AVEN: variants seen among roughly 807,000 people sequenced by gnomAD.
The protein encoded by AVEN is apoptosis and caspase activation inhibitor, also known as cell death regulator Aven.
Under a neutral mutation model 38.1 loss-of-function variants are expected in AVEN, and 41 were observed. That is an observed-to-expected ratio of 1.08 (90% CI 0.84 to 1.40). AVEN has a LOEUF of 1.40. Ranked by LOEUF, AVEN falls within the 40% of genes most tolerant of loss-of-function variation. The pLI, the probability that AVEN is intolerant of heterozygous loss-of-function variation, is 0.00. For missense variants in AVEN, 605 were observed against 438.8 expected (o/e 1.38, Z -3.38); for synonymous variants, 206 against 171.8 (o/e 1.20, Z -1.56).
chr15:33,961,165 C>A (rs1205716231), intron 2 of AVEN, among the ~76,000 whole-genome samples: 1 of 151,588 alleles, frequency 6.6e-6, no homozygotes, highest in African/African-American at 2.4e-5. Context: ...CATGCCTGGA[C>A]AATTTTTTGA....
intron 2 of AVEN, among the ~76,000 whole-genome samples, chr15:33,988,496 T>C (rs1474522105): frequency 6.6e-6 from 1 of 152,172 alleles, no homozygotes; most frequent in Non-Finnish European, 1.5e-5. Context: ...TGTGCCCGTG[T>C]AACACATCTC....
intron 1 of AVEN, among the ~76,000 whole-genome samples, chr15:34,030,374 C>T (rs2140757355): frequency 6.6e-6 from 1 of 152,244 alleles, no homozygotes; most frequent in South Asian, 2.1e-4. Context: ...GAGACGGAGT[C>T]TTGCTCTGTC....
downstream of AVEN, chr15:33,865,071 A>G: frequency 5.9e-6 from 8 of 1,362,608 alleles, no homozygotes; most frequent in Non-Finnish European, 8.3e-6. Flanking sequence ...ACAAAAACAA[A>G]CTGGGTTTTA....
intron 2 of AVEN, among the ~76,000 whole-genome samples, chr15:33,917,264 C>T (rs1893171886): frequency 6.6e-6 from 1 of 151,910 alleles, no homozygotes; most frequent in South Asian, 2.1e-4. Context: ...GATACTTGCA[C>T]ATACGTTTGT....
At chr15:34,038,647 C>T (rs1451547998) in intron 1 of AVEN, 133 bp downstream of exon 1, 4 of 823,782 alleles carry the variant, frequency 4.9e-6, no homozygotes, top group Non-Finnish European at 6.1e-6. Flanking sequence ...ATCCGCCCGT[C>T]CCGCGCAGGC....
chr15:33,909,972 CA>C (rs535805123), intron 2 of AVEN, among the ~76,000 whole-genome samples: 5 of 149,714 alleles, frequency 3.3e-5, no homozygotes, highest in African/African-American at 1.0e-4. Flanking sequence ...AATACAAATA[CA>C]AAAAATTAGC....
At chr15:34,015,844 A>C (rs532065146) in intron 1 of AVEN, among the ~76,000 whole-genome samples, 13 of 152,382 alleles carry the variant, frequency 8.5e-5, no homozygotes, top group Admixed American at 3.3e-4. Flanking sequence ...GATAAAAATG[A>C]GAGGCATGAA....
At chr15:33,867,466 A>T (rs780510838) in intron 5 of AVEN, 29 bp downstream of exon 5, 1 of 1,540,460 alleles carries the variant, frequency 6.5e-7, no homozygotes, top group Admixed American at 2.1e-5. Context: ...CAGAATCAAG[A>T]TTCACGGGGA....
In AVEN at chr15:34,063,893, G is replaced by T; in HGVS notation, n.1127-461C>A. On this transcript the variant is annotated intron_variant and non_coding_transcript_variant, in intron 4 of 11. Coordinates refer to the AVEN transcript ENST00000675287. The surrounding 1 kb of genome is among the most constrained non-coding windows in gnomAD (Gnocchi z 4.1). The stretch of plus-strand genomic sequence containing the variant: ...TGGTAAAAGCTGACGGGAACCAGGA[G>T]ACCAACAATGGCTGTCACAAGGTGA... The T allele has an allele frequency of 6.8e-6, 11 of 1,614,184 alleles. No individual in the cohort carries two copies. The highest frequency in any genetic ancestry group is 9.3e-6 in the Non-Finnish European group (11 of 1,180,038).
chr15:33,932,427 C>T (rs988239609), intron 2 of AVEN, among the ~76,000 whole-genome samples: 3 of 152,114 alleles, frequency 2.0e-5, no homozygotes, highest in East Asian at 1.9e-4. Flanking sequence ...ACTAGGTACA[C>T]GTTTTTGCAA....
chr15:33,860,732 AGGTTTTACTATTACTTAG>A (rs1184516456), intron 11 of AVEN: 17 of 1,141,018 alleles, frequency 1.5e-5, no homozygotes, highest in Non-Finnish European at 2.2e-5. Context: ...TTTAAACAAT[AGGTTTTACTATTACTTAG>A]GGCCAGTACT....
In AVEN at chr15:33,925,027, G is replaced by A. The variant is rs111849840; in HGVS notation, c.446-49032C>T. On this transcript the variant is annotated intron_variant, in intron 2 of 5. Transcript: ENST00000306730. ...AAACAACCTTATGTTACCAAATTTC[G>A]CTTTAGGAAATATTTAATTATTCAT... 9.3e-4 allele frequency among the ~76,000 whole-genome samples: 142 copies of A among 152,066 alleles called. 1 individual carries two copies. Among genetic ancestry groups the A allele is most frequent in the Non-Finnish European group, 1.6e-3 (107 of 67,982 alleles).
chr15:34,017,134 G>A (rs8030334), intron 1 of AVEN, among the ~76,000 whole-genome samples: 77,363 of 130,648 alleles, frequency 0.59, 22,843 homozygotes, highest in African/African-American at 0.84. Flanking sequence ...TCTCAAGGGG[G>A]AAAAAAAAAG....
At chr15:33,863,639 G>A (rs556134147), downstream of AVEN, among the ~76,000 whole-genome samples, 1 of 152,196 alleles carries the variant, frequency 6.6e-6, no homozygotes, top group African/African-American at 2.4e-5. Context: ...TGGCATTCCC[G>A]CAGCTATTTA....
chr15:33,865,814 T>TGTTTGTGTTCCAGAAG (rs1198631223), downstream of AVEN: 1 of 152,854 alleles, frequency 6.5e-6, no homozygotes, highest in East Asian at 1.9e-4. Flanking sequence ...AAGTTTTTTA[T>TGTTTGTGTTCCAGAAG]GTTTGTGTTC....
At chr15:33,950,183 G>C (rs1170160421) in intron 2 of AVEN, among the ~76,000 whole-genome samples, 3 of 152,226 alleles carry the variant, frequency 2.0e-5, no homozygotes, top group Non-Finnish European at 4.4e-5. Context: ...GCAGAGAGTA[G>C]AACAGTGGTT....
chr15:33,854,367 A>G, downstream of AVEN: 1 of 1,549,022 alleles, frequency 6.5e-7, no homozygotes, highest in East Asian at 2.4e-5. Context: ...TATAAGTTTT[A>G]AAATCACTTG....
intron 2 of AVEN, among the ~76,000 whole-genome samples, chr15:33,905,826 GAAAA>G (rs36006399): frequency 0.41 from 57,992 of 143,020 alleles, 11,613 homozygotes; most frequent in Admixed American, 0.44. Context: ...TTTCGGGAAA[GAAAA>G]AAAAAAAAAA....
chr15:33,864,210 T>G (rs1889581380), downstream of AVEN: 1 of 1,587,666 alleles, frequency 6.3e-7, no homozygotes. Flanking sequence ...AAGAATCATA[T>G]ACCCGTGTTA....
Sources: allele counts gnomAD v4.1 joint callset (sites outside exome capture counted in the v4.1 genomes callset), GRCh38; gene constraint gnomAD v4.1.1; non-coding constraint Gnocchi (gnomAD v3.1); transcripts MANE v1.5; gene names NCBI Gene and HGNC (gene_info 2026-07-23, HGNC 2026-07-21).